The following FHIT variants were observed in gnomAD, a reference collection of about 807,000 sequenced individuals.
The protein encoded by FHIT is fragile histidine triad diadenosine triphosphatase.
Under a neutral mutation model 17.9 loss-of-function variants are expected in FHIT, and 19 were observed. The ratio of observed to expected loss-of-function variants is 1.06; its 90% CI spans 0.74 to 1.56. The LOEUF is 1.56. Ranked by LOEUF, FHIT falls within the 40% of genes most tolerant of loss-of-function variation. The pLI, the probability that FHIT is intolerant of heterozygous loss-of-function variation, is 0.00. For synonymous variants in FHIT, 81 were observed against 69.7 expected, an observed-to-expected ratio of 1.16 and a Z score of -0.81; for missense variants, 248 against 189.2, an observed-to-expected ratio of 1.31 and a Z score of -1.82.
At chr3:61,083,660 A>T (rs2035217765) in intron 2 of FHIT, among the ~76,000 whole-genome samples, 1 of 152,210 alleles carries the variant, frequency 6.6e-6, no homozygotes, top group Non-Finnish European at 1.5e-5. Context: ...CTTCACCCTC[A>T]CTAAACTCTA....
chr3:60,521,305 T>C (rs542456404), intron 5 of FHIT, among the ~76,000 whole-genome samples: 1 of 152,198 alleles, frequency 6.6e-6, no homozygotes, highest in African/African-American at 2.4e-5. Context: ...TGGAGTGCAA[T>C]GGCATGATCT....
At chr3:59,955,616 T>G (rs1336986044) in intron 7 of FHIT, among the ~76,000 whole-genome samples, 1 of 152,146 alleles carries the variant, frequency 6.6e-6, no homozygotes, top group South Asian at 2.1e-4. Flanking sequence ...CAACCCAATA[T>G]GTCAAAAACT....
chr3:60,862,777 G>A lies in FHIT; in HGVS notation c.-110-40766C>T, dbSNP rs190459213. Among the ~76,000 whole-genome samples the A allele has an allele frequency of 1.0e-3, 156 of 151,766 alleles. 1 individual carries two copies. The highest frequency in any genetic ancestry group is 3.5e-3 in the African/African-American group (143 of 41,348). On this transcript the variant is annotated intron_variant, in intron 3 of 9. Coordinates refer to ENST00000492590, the MANE Select transcript of FHIT (RefSeq NM_002012.4). ...TAAGGCAGCAGAATTGCTTGAACCC[G>A]GGAGGCAGAGGTTGCAGTGAGCCAA...
chr3:60,756,605 G>A (rs573790173), intron 4 of FHIT, among the ~76,000 whole-genome samples: 29 of 152,144 alleles, frequency 1.9e-4, no homozygotes, highest in East Asian at 1.7e-3. Context: ...AGAAGCAGCC[G>A]GAGAGGAAAA....
chr3:60,271,314 A>C (rs1373164459), intron 5 of FHIT, among the ~76,000 whole-genome samples: 2 of 152,140 alleles, frequency 1.3e-5, no homozygotes, highest in African/African-American at 4.8e-5. Context: ...GAGGCAGGTG[A>C]ATCGCTTGAA....
At chr3:60,561,886 G>C (rs948774045) in intron 4 of FHIT, among the ~76,000 whole-genome samples, 30 of 142,026 alleles carry the variant, frequency 2.1e-4, no homozygotes, top group African/African-American at 7.8e-4. Flanking sequence ...TCTGGAAAAT[G>C]AAAGAAAAGA....
At chr3:59,976,430 C>A (rs1183803518) in intron 7 of FHIT, among the ~76,000 whole-genome samples, 1 of 151,876 alleles carries the variant, frequency 6.6e-6, no homozygotes, top group African/African-American at 2.4e-5. Context: ...AATAACACCT[C>A]AAATAATTAA....
At chr3:59,923,035 G>A (rs1328254766) in intron 7 of FHIT, among the ~76,000 whole-genome samples, 6 of 151,704 alleles carry the variant, frequency 4.0e-5, no homozygotes, top group African/African-American at 1.5e-4. Context: ...CGAGGTGGGC[G>A]GATCACGAGG....
chr3:60,952,224 C>A (rs1351986560), intron 3 of FHIT, among the ~76,000 whole-genome samples: 1 of 147,824 alleles, frequency 6.8e-6, no homozygotes, highest in Non-Finnish European at 1.5e-5. Context: ...TATACCACAC[C>A]GAATCAGTCG....
intron 5 of FHIT, among the ~76,000 whole-genome samples, chr3:60,268,404 G>T (rs973531368): frequency 6.6e-6 from 1 of 152,114 alleles, no homozygotes; most frequent in African/African-American, 2.4e-5. Context: ...CTGATGTCTT[G>T]TTTATGGCTG....
chr3:59,964,988 A>T (rs1314651611), intron 7 of FHIT, among the ~76,000 whole-genome samples: 3 of 152,128 alleles, frequency 2.0e-5, no homozygotes, highest in African/African-American at 7.2e-5. Flanking sequence ...ATTATAGCAC[A>T]AAGTCTTATT....
intron 7 of FHIT, among the ~76,000 whole-genome samples, chr3:59,964,030 C>T (rs762884491): frequency 3.3e-5 from 5 of 152,126 alleles, no homozygotes; most frequent in African/African-American, 7.2e-5. Context: ...TGTGGTCAAC[C>T]AACTAAAATT....
intron 3 of FHIT, among the ~76,000 whole-genome samples, chr3:60,908,203 G>T (rs560246296): frequency 5.4e-4 from 82 of 152,296 alleles, no homozygotes; most frequent in African/African-American, 1.9e-3. Flanking sequence ...GAATTCTGGG[G>T]TGGCATGGAG....
chr3:60,656,018 G>C (rs1411646511), intron 4 of FHIT, among the ~76,000 whole-genome samples: 1 of 152,172 alleles, frequency 6.6e-6, no homozygotes, highest in Non-Finnish European at 1.5e-5. Flanking sequence ...GAAAAGGTTG[G>C]TTCTGAGTTC....
intron 5 of FHIT, among the ~76,000 whole-genome samples, chr3:60,223,917 G>T (rs979782556): frequency 6.6e-6 from 1 of 152,084 alleles, no homozygotes; most frequent in African/African-American, 2.4e-5. Flanking sequence ...TTCTGTGCCC[G>T]TGCTGCGTCC....
chr3:59,869,249 C>G (rs1001816968), intron 8 of FHIT, among the ~76,000 whole-genome samples: 1 of 152,128 alleles, frequency 6.6e-6, no homozygotes, highest in East Asian at 1.9e-4. Flanking sequence ...ACAAGCTCAA[C>G]TAGTTTAGCT....
intron 5 of FHIT, among the ~76,000 whole-genome samples, chr3:60,510,558 C>G (rs1305925164): frequency 6.6e-6 from 1 of 152,022 alleles, no homozygotes; most frequent in African/African-American, 2.4e-5. Flanking sequence ...TCAGCATCGA[C>G]TAGATGGACT....
intron 4 of FHIT, among the ~76,000 whole-genome samples, chr3:60,583,560 G>T (rs1399649409): frequency 6.6e-6 from 1 of 151,992 alleles, no homozygotes; most frequent in Non-Finnish European, 1.5e-5. Context: ...ACTAAAACTT[G>T]AGTTTCACAT....
intron 2 of FHIT, among the ~76,000 whole-genome samples, chr3:61,139,066 G>A (rs1249362304): frequency 1.4e-5 from 2 of 138,776 alleles, no homozygotes; most frequent in Non-Finnish European, 3.0e-5. Flanking sequence ...GTCTCACTCT[G>A]TCACCAAGGC....
Sources: allele counts gnomAD v4.1 joint callset (sites outside exome capture counted in the v4.1 genomes callset), GRCh38; gene constraint gnomAD v4.1.1; transcripts MANE v1.5; gene names NCBI Gene and HGNC (gene_info 2026-07-23, HGNC 2026-07-21).